The following SHF variants were observed in gnomAD, a reference collection of about 807,000 sequenced individuals.
SHF encodes Src homology 2 domain containing F.
Under a neutral mutation model 42.4 loss-of-function variants are expected in SHF, and 30 were observed. That is an observed-to-expected ratio of 0.71 (90% CI 0.53 to 0.96). SHF has a LOEUF of 0.96. SHF is among the 40% of genes least tolerant of loss of function. The pLI is 0.00. For missense variants in SHF, 598 were observed against 634.0 expected (o/e 0.94, Z 0.61); for synonymous variants, 264 against 269.9 (o/e 0.98, Z 0.21).
intron 1 of SHF, chr15:45,200,311 C>G (rs1305966339): frequency 5.9e-6 from 1 of 169,762 alleles, no homozygotes; most frequent in Non-Finnish European, 1.3e-5. Context: ...TCAAATGTCA[C>G]AAGGGAATCG....
At chr15:45,187,199 G>C (rs1182763656) in intron 1 of SHF, among the ~76,000 whole-genome samples, 1 of 152,348 alleles carries the variant, frequency 6.6e-6, no homozygotes, top group East Asian at 1.9e-4. Context: ...AGCCCGGGAG[G>C]GGGAGGGTCA....
chr15:45,175,411 T>C lies in SHF; in HGVS notation c.655A>G (p.Lys219Glu), dbSNP rs956805718. 6.3e-7 allele frequency: 1 copy of C among 1,584,708 alleles called. No homozygotes were observed. The highest frequency in any genetic ancestry group is 8.6e-7 in the Non-Finnish European group (1 of 1,165,132). The stretch of plus-strand genomic sequence containing the variant: ...GGCAAGGGCTGAGTTGCTGTCTCCT[T>C]GGAGCCCCGGATCTCTGCCGGAGCA... The part of the protein sequence containing the change: ...QKMMAEIRGS[K>E]ETATQPLPLY... The change falls in exon 3 of 7, where the codon AAG becomes GAG. Residue 219 changes from lysine to glutamate, a missense_variant. Coordinates refer to ENST00000690270, the MANE Select transcript of SHF (RefSeq NM_001394037.1).
intron 2 of SHF, among the ~76,000 whole-genome samples, chr15:45,196,512 A>G (rs954519940): frequency 6.6e-6 from 1 of 152,208 alleles, no homozygotes; most frequent in African/African-American, 2.4e-5. Flanking sequence ...TATATCTCCA[A>G]AGACCATCCT....
chr15:45,182,137 T>A (rs1898157024), intron 1 of SHF, among the ~76,000 whole-genome samples: 1 of 152,202 alleles, frequency 6.6e-6, no homozygotes, highest in African/African-American at 2.4e-5. Flanking sequence ...CTGGTTCCTC[T>A]TCCACTCTGC....
chr15:45,178,567 C>G (rs1897956458), intron 1 of SHF, among the ~76,000 whole-genome samples: 1 of 142,942 alleles, frequency 7.0e-6, no homozygotes, highest in Non-Finnish European at 1.5e-5. Flanking sequence ...CAGAGTCTCA[C>G]TCTGTCACCC....
Position 45,167,974 on chromosome 15 carries a change from G to A in SHF, c.1440C>T (p.Leu480=), listed in dbSNP as rs2141326292. The A allele has an allele frequency of 6.2e-7, 1 of 1,612,226 alleles. No individual in the cohort carries two copies. The highest frequency in any genetic ancestry group is 2.2e-5 in the East Asian group (1 of 44,858). Residue 480 remains leucine (L), a synonymous_variant, in exon 7 of 7, where the codon CTC becomes CTT. Transcript: ENST00000690270. The part of the protein sequence containing the change: ...PIKGAEHMSL[L]YPVAIRTL ...AAAGAGTCCGGATGGCCACAGGGTAGAGCAGGGACATGTGTTCGGCTCCCT... is the reference window on the plus strand; with the variant it reads ...AAAGAGTCCGGATGGCCACAGGGTAAAGCAGGGACATGTGTTCGGCTCCCT...
chr15:45,173,330 G>A (rs1567030187), intron 4 of SHF, among the ~76,000 whole-genome samples: 1 of 152,198 alleles, frequency 6.6e-6, no homozygotes, highest in Non-Finnish European at 1.5e-5. Context: ...TCCCCAAAGT[G>A]AATTTAAAAT....
chr15:45,167,272 T>G lies in SHF; in HGVS notation c.*675A>C, dbSNP rs1469801665. 6.6e-6 allele frequency: 1 copy of G among 152,206 alleles called. No individual in the cohort carries two copies. Among genetic ancestry groups the G allele is most frequent in the African/African-American group, 2.4e-5 (1 of 41,428 alleles). 9.4% of individuals were successfully genotyped at this position (152,206 alleles called of 1,614,324 possible). A position where few individuals can be genotyped will look rare whatever the true frequency, so the allele number is the denominator to read the frequency against. ...GCTGATTTATACGCAGAATCTGCGC[T>G]CGCTTCTCCGCTCCCTCCCCCGTCA... is the stretch of plus-strand genomic sequence containing the variant. On this transcript the variant is annotated 3_prime_UTR_variant, in exon 7 of 7. Coordinates refer to ENST00000690270, the MANE Select transcript of SHF (RefSeq NM_001394037.1).
chr15:45,186,709 G>A (rs959447761), intron 1 of SHF, among the ~76,000 whole-genome samples: 8 of 152,240 alleles, frequency 5.3e-5, no homozygotes, highest in Non-Finnish European at 1.0e-4. Context: ...AGGAGGAATG[G>A]GCTCAGCTGC....
intron 4 of SHF, 96 bp from the exon 5 acceptor site, chr15:45,172,414 C>T: frequency 7.6e-7 from 1 of 1,313,726 alleles, no homozygotes; most frequent in Non-Finnish European, 1.0e-6. Flanking sequence ...TTCTTCCAGC[C>T]CCAGAAAGGA....
At chr15:45,199,953 C>CAAAAAAAAAAAAA (rs56982094) in intron 1 of SHF, 3 of 59,500 alleles carry the variant, frequency 5.0e-5, no homozygotes, top group African/African-American at 1.7e-4. Flanking sequence ...GGCTCCATCT[C>CAAAAAAAAAAAAA]AAAAAAAAAA....
chr15:45,171,814 A>ATT, intron 6 of SHF, 69 bp downstream of exon 6: 1 of 1,529,788 alleles, frequency 6.5e-7, no homozygotes, highest in Non-Finnish European at 8.9e-7. Context: ...TTGGTTGGGC[A>ATT]TAAGGGGAAT....
chr15:45,169,531 G>A (rs1212062834), intron 6 of SHF, among the ~76,000 whole-genome samples: 1 of 152,178 alleles, frequency 6.6e-6, no homozygotes, highest in African/African-American at 2.4e-5. Flanking sequence ...CCCTGTGGGT[G>A]GTGGAGAGGG....
At chr15:45,196,446 A>G (rs1381760856) in intron 2 of SHF, among the ~76,000 whole-genome samples, 1 of 152,214 alleles carries the variant, frequency 6.6e-6, no homozygotes, top group Non-Finnish European at 1.5e-5. Flanking sequence ...TATTCCCATC[A>G]GAACATCTGG....
At chr15:45,198,781 T>C (rs2141459502) in exon 2 of SHF, 1 of 1,611,410 alleles carries the variant, frequency 6.2e-7, no homozygotes, top group Non-Finnish European at 8.5e-7. Flanking sequence ...CGGGGCGAGG[T>C]TCCAGCCTGT....
chr15:45,178,777 C>A (rs1897967390), intron 1 of SHF, among the ~76,000 whole-genome samples: 2 of 152,158 alleles, frequency 1.3e-5, no homozygotes, highest in African/African-American at 4.8e-5. Context: ...TTGTGATCTG[C>A]CCGCCTTGGC....
At chr15:45,195,967 C>T (rs984733571) in intron 2 of SHF, among the ~76,000 whole-genome samples, 1 of 152,150 alleles carries the variant, frequency 6.6e-6, no homozygotes, top group South Asian at 2.1e-4. Context: ...AGACAGAGCT[C>T]CATTTGGGCC....
chr15:45,186,886 C>T (rs1419324194), intron 1 of SHF, among the ~76,000 whole-genome samples: 1 of 152,266 alleles, frequency 6.6e-6, no homozygotes, highest in African/African-American at 2.4e-5. Context: ...CAAAGGCCAG[C>T]TCGTGCTGTG....
intron 2 of SHF, among the ~76,000 whole-genome samples, chr15:45,176,798 T>G (rs1897835450): frequency 6.6e-6 from 1 of 152,192 alleles, no homozygotes; most frequent in African/African-American, 2.4e-5. Context: ...TCACATATAA[T>G]TTCAGGGCAT....
Sources: allele counts gnomAD v4.1 joint callset (sites outside exome capture counted in the v4.1 genomes callset), GRCh38; gene constraint gnomAD v4.1.1; transcripts MANE v1.5; gene names NCBI Gene and HGNC (gene_info 2026-07-23, HGNC 2026-07-21).